The following TCERG1L variants were observed in gnomAD, a reference collection of about 807,000 sequenced individuals.
The protein encoded by TCERG1L is transcription elongation regulator 1 like, also known as transcription elongation regulator 1-like protein.
Under a neutral mutation model 56.3 loss-of-function variants are expected in TCERG1L, and 37 were observed. The ratio of observed to expected loss-of-function variants is 0.66; its 90% CI spans 0.51 to 0.87. The LOEUF (loss-of-function observed/expected upper bound fraction) is 0.87. Ranked by LOEUF, TCERG1L falls within the 40% of genes least tolerant of loss-of-function variation. The pLI, the probability that TCERG1L is intolerant of heterozygous loss-of-function variation, is 0.00. For synonymous variants in TCERG1L, 324 were observed against 326.3 expected, an observed-to-expected ratio of 0.99 and a Z score of 0.08; for missense variants, 799 against 774.2, an observed-to-expected ratio of 1.03 and a Z score of -0.38.
intron 4 of TCERG1L, among the ~76,000 whole-genome samples, chr10:131,229,052 G>A (rs976285734): frequency 1.1e-5 from 1 of 92,588 alleles, no homozygotes; most frequent in Non-Finnish European, 2.2e-5. Flanking sequence ...AAGGCCTCAC[G>A]AGTCTCCCCT....
At chr10:131,232,160 C>G (rs1455883776) in intron 4 of TCERG1L, among the ~76,000 whole-genome samples, 2 of 152,350 alleles carry the variant, frequency 1.3e-5, no homozygotes, top group South Asian at 2.1e-4. Context: ...GTCACTGATG[C>G]CATTAGGCCC....
chr10:131,098,294 C>T lies in TCERG1L; in HGVS notation c.1604+12G>A, dbSNP rs755612671. The stretch of plus-strand genomic sequence containing the variant: ...GCCCCAGAAATCATCCGGTATATTT[C>T]TCTCTCCATACCTGGGAGACACTTT... On this transcript the variant is annotated intron_variant, in intron 11 of 11. Coordinates refer to ENST00000368642, the MANE Select transcript of TCERG1L (RefSeq NM_174937.4). 6.5e-7 allele frequency: 1 copy of T among 1,549,218 alleles called. No homozygotes were observed. The highest frequency in any genetic ancestry group is 8.7e-7 in the Non-Finnish European group (1 of 1,146,542).
intron 4 of TCERG1L, among the ~76,000 whole-genome samples, chr10:131,209,328 G>A (rs531901183): frequency 2.7e-5 from 4 of 149,178 alleles, no homozygotes; most frequent in Admixed American, 6.7e-5. Flanking sequence ...CAAAGAAGCC[G>A]AAGTCTGGAA....
intron 4 of TCERG1L, among the ~76,000 whole-genome samples, chr10:131,248,150 C>T (rs546650290): frequency 1.1e-4 from 16 of 151,380 alleles, no homozygotes; most frequent in South Asian, 2.1e-4. Context: ...CACACACATA[C>T]GCTGGTAAAC....
intron 4 of TCERG1L, among the ~76,000 whole-genome samples, chr10:131,230,245 C>T (rs1231018805): frequency 6.6e-6 from 1 of 152,278 alleles, no homozygotes; most frequent in Non-Finnish European, 1.5e-5. Context: ...AAGGCAGCTT[C>T]CCCTCCACAG....
At chr10:131,138,908 G>A (rs1208949831) in intron 7 of TCERG1L, among the ~76,000 whole-genome samples, 6 of 152,116 alleles carry the variant, frequency 3.9e-5, no homozygotes, top group Admixed American at 3.9e-4. Flanking sequence ...AAAATCGAAA[G>A]ACCAGTAAAA....
At chr10:131,255,117 G>C (rs80355467) in intron 4 of TCERG1L, among the ~76,000 whole-genome samples, 11,628 of 152,254 alleles carry the variant, frequency 0.076, 648 homozygotes, top group African/African-American at 0.15. Flanking sequence ...AGAGTCCTGA[G>C]AAGATAGTGC....
intron 8 of TCERG1L, among the ~76,000 whole-genome samples, chr10:131,120,195 G>C (rs932303770): frequency 1.3e-5 from 2 of 152,110 alleles, no homozygotes; most frequent in Admixed American, 1.3e-4. Context: ...GCGCATGCGT[G>C]CATCTGTCCC....
chr10:131,147,050 C>T (rs1423153897), intron 6 of TCERG1L, among the ~76,000 whole-genome samples: 1 of 151,870 alleles, frequency 6.6e-6, no homozygotes. Context: ...TAGAGTAATT[C>T]GGAGAGCGGC....
At chr10:131,149,854 T>C (rs1845844387) in intron 6 of TCERG1L, among the ~76,000 whole-genome samples, 1 of 152,142 alleles carries the variant, frequency 6.6e-6, no homozygotes. Flanking sequence ...CCTCATGCTG[T>C]ATGTCTCATG....
chr10:131,237,938 A>G (rs1845930681), intron 4 of TCERG1L, among the ~76,000 whole-genome samples: 1 of 152,214 alleles, frequency 6.6e-6, no homozygotes, highest in South Asian at 2.1e-4. Context: ...TTTGAGTTGG[A>G]GTATTTTAAA....
intron 4 of TCERG1L, among the ~76,000 whole-genome samples, chr10:131,228,021 C>T (rs1423711048): frequency 2.6e-5 from 4 of 151,742 alleles, no homozygotes; most frequent in Non-Finnish European, 5.9e-5. Flanking sequence ...TCCTCCTTGC[C>T]CAGCCCCCCT....
chr10:131,128,514 C>T (rs981194563), intron 8 of TCERG1L, among the ~76,000 whole-genome samples: 1 of 151,936 alleles, frequency 6.6e-6, no homozygotes, highest in Non-Finnish European at 1.5e-5. Context: ...TAACTAAAAT[C>T]GACTAAAACA....
At chr10:131,301,274 A>C (rs1846759855) in intron 3 of TCERG1L, among the ~76,000 whole-genome samples, 1 of 151,882 alleles carries the variant, frequency 6.6e-6, no homozygotes, top group Admixed American at 6.6e-5. Context: ...AAGGCTTTAT[A>C]CTCTCAAGAT....
At chr10:131,288,853 A>T (rs1846575572) in intron 3 of TCERG1L, among the ~76,000 whole-genome samples, 1 of 152,152 alleles carries the variant, frequency 6.6e-6, no homozygotes, top group Non-Finnish European at 1.5e-5. Context: ...GGCACCGGAC[A>T]GACCCTCCCT....
intron 7 of TCERG1L, among the ~76,000 whole-genome samples, chr10:131,138,312 T>G (rs755838834): frequency 1.7e-4 from 26 of 152,202 alleles, no homozygotes; most frequent in Non-Finnish European, 3.1e-4. Context: ...AGAATAGCAC[T>G]AGAGAGGCTG....
chr10:131,134,591 G>A (rs550537433), intron 7 of TCERG1L, 143 bp from the exon 8 acceptor site: 18 of 666,678 alleles, frequency 2.7e-5, no homozygotes, highest in East Asian at 5.5e-5. Context: ...GAAATCCTAC[G>A]AGTTTCCTCT....
chr10:131,107,943 G>GCACATGTGTGCCTACACACACACA (rs1845370044), intron 9 of TCERG1L, among the ~76,000 whole-genome samples: 1 of 140,684 alleles, frequency 7.1e-6, no homozygotes, highest in Non-Finnish European at 1.5e-5. Context: ...ATACACACAT[G>GCACATGTGTGCCTACACACACACA]CACATGTGTG....
intron 3 of TCERG1L, among the ~76,000 whole-genome samples, chr10:131,294,945 C>T (rs1846674321): frequency 6.6e-6 from 1 of 152,066 alleles, no homozygotes; most frequent in African/African-American, 2.4e-5. Context: ...GATAAACGTC[C>T]ACCATCCCCA....
Sources: gnomAD v4.1 joint callset for allele counts (sites outside exome capture counted in the v4.1 genomes callset) on GRCh38, gnomAD v4.1.1 for gene constraint, MANE v1.5 for transcripts, NCBI Gene and HGNC (gene_info 2026-07-23, HGNC 2026-07-21) for gene names.